SH3RF1: variants seen among roughly 807,000 people sequenced by gnomAD.
The protein encoded by SH3RF1 is E3 ubiquitin-protein ligase SH3RF1.
SH3RF1 carries 32 observed loss-of-function variants against 74.0 expected under a neutral mutation model. The observed-to-expected ratio is 0.43, with a 90% CI of 0.33 to 0.58. The LOEUF (loss-of-function observed/expected upper bound fraction) is 0.58. Among genes scored for constraint, SH3RF1 ranks in the 20% least tolerant of loss-of-function variants. The pLI is 0.05. For synonymous variants in SH3RF1, 396 were observed against 439.6 expected, an observed-to-expected ratio of 0.90 and a Z score of 1.24; for missense variants, 954 against 1,130.9, an observed-to-expected ratio of 0.84 and a Z score of 2.24.
intron 10 of SH3RF1, among the ~76,000 whole-genome samples, chr4:169,110,285 C>G (rs535992220): frequency 3.6e-4 from 52 of 146,412 alleles, no homozygotes; most frequent in Non-Finnish European, 6.3e-4. Context: ...ACCAGGAGTT[C>G]AGGCTGCAGT....
At chr4:169,188,237 T>C (rs1441341239) in intron 2 of SH3RF1, among the ~76,000 whole-genome samples, 2 of 152,228 alleles carry the variant, frequency 1.3e-5, no homozygotes, top group African/African-American at 4.8e-5. Flanking sequence ...TACAGAATCT[T>C]TGACCAAAAG....
intron 2 of SH3RF1, among the ~76,000 whole-genome samples, chr4:169,178,355 TAAAAAAATAAGCATTG>T (rs1734456952): frequency 1.7e-5 from 2 of 117,616 alleles, no homozygotes; most frequent in African/African-American, 5.7e-5. Flanking sequence ...TATGCTTATT[TAAAAAAATAAGCATTG>T]TTATGTTTTG....
intron 8 of SH3RF1, 23 bp downstream of exon 8, chr4:169,120,795 TA>T: frequency 6.2e-7 from 1 of 1,612,568 alleles, no homozygotes; most frequent in Non-Finnish European, 8.5e-7. Context: ...TAGAACATAG[TA>T]AACAATGTAT....
intron 2 of SH3RF1, among the ~76,000 whole-genome samples, chr4:169,181,549 C>CCG (rs146269274): frequency 0.053 from 8,084 of 152,166 alleles, 295 homozygotes; most frequent in South Asian, 0.19. Context: ...GCGTGAGCCA[C>CCG]CGCGCCAGCC....
intron 2 of SH3RF1, among the ~76,000 whole-genome samples, chr4:169,210,267 C>A (rs774692694): frequency 1.3e-5 from 2 of 152,184 alleles, no homozygotes; most frequent in Middle Eastern, 3.2e-3. Context: ...ATTTCCCTTA[C>A]ATATTTGCAT....
At chr4:169,270,425 T>C (rs1465041410) in intron 1 of SH3RF1, among the ~76,000 whole-genome samples, 1 of 151,500 alleles carries the variant, frequency 6.6e-6, no homozygotes, top group Admixed American at 6.5e-5. Context: ...CCGCCTCCCT[T>C]TAGCTCAGGC....
At chr4:169,265,561 C>G (rs1731339163) in intron 2 of SH3RF1, among the ~76,000 whole-genome samples, 1 of 152,136 alleles carries the variant, frequency 6.6e-6, no homozygotes, top group South Asian at 2.1e-4. Flanking sequence ...GTAAACTCTG[C>G]CTCCCAGGTT....
chr4:169,176,469 C>G (rs570953678), intron 2 of SH3RF1, among the ~76,000 whole-genome samples: 1 of 152,188 alleles, frequency 6.6e-6, no homozygotes, highest in East Asian at 1.9e-4. Flanking sequence ...TTTAACCGAA[C>G]AAAACAAATA....
At chr4:169,200,247 T>C (rs1348806856) in intron 2 of SH3RF1, among the ~76,000 whole-genome samples, 1 of 152,182 alleles carries the variant, frequency 6.6e-6, no homozygotes, top group African/African-American at 2.4e-5. Flanking sequence ...AGAGGACATG[T>C]GTAGTAATGC....
chr4:169,141,390 C>T (rs1206583242), intron 4 of SH3RF1, among the ~76,000 whole-genome samples: 1 of 152,164 alleles, frequency 6.6e-6, no homozygotes. Context: ...TTGCCATTTA[C>T]TATGTCTTGG....
intron 2 of SH3RF1, among the ~76,000 whole-genome samples, chr4:169,193,066 T>A (rs999077698): frequency 1.3e-5 from 2 of 151,984 alleles, no homozygotes; most frequent in Non-Finnish European, 2.9e-5. Context: ...TTCTCACTTA[T>A]AAGTGGGAGC....
chr4:169,205,018 G>C (rs1730228171), intron 2 of SH3RF1, among the ~76,000 whole-genome samples: 1 of 152,162 alleles, frequency 6.6e-6, no homozygotes, highest in African/African-American at 2.4e-5. Flanking sequence ...AGGAAAAGGA[G>C]GAATCATACA....
At chr4:169,147,662 T>C (rs977112942) in intron 4 of SH3RF1, among the ~76,000 whole-genome samples, 1 of 152,220 alleles carries the variant, frequency 6.6e-6, no homozygotes. Flanking sequence ...AACTTTATTT[T>C]AAAAAGCAAT....
intron 2 of SH3RF1, among the ~76,000 whole-genome samples, chr4:169,161,579 G>A (rs938962739): frequency 7.9e-5 from 12 of 152,162 alleles, no homozygotes; most frequent in African/African-American, 2.9e-4. Flanking sequence ...CCAATGCCCA[G>A]ATGTACGTGC....
chr4:169,269,015 G>A lies in SH3RF1; in HGVS notation c.198C>T (p.Asn66=). ...VGSGVEELPS[N]ILLVRLLDGI... ...CATCCAGAAGTCTGACCAGCAAGATGTTACTGGGAAGCTCCTCGACACCCG... is the reference window on the plus strand; with the variant it reads ...CATCCAGAAGTCTGACCAGCAAGATATTACTGGGAAGCTCCTCGACACCCG... The change falls in exon 2 of 12, where the codon AAC becomes AAT. Residue 66 remains asparagine (N), a synonymous_variant. Transcript: ENST00000284637. 3 of 1,614,166 alleles carry A rather than the reference G, an allele frequency of 1.9e-6. No homozygotes were observed. Among genetic ancestry groups the A allele is most frequent in the Non-Finnish European group, 2.5e-6 (3 of 1,180,024 alleles).
chr4:169,155,628 G>C, intron 3 of SH3RF1, 53 bp from the exon 4 acceptor site: 1 of 1,317,466 alleles, frequency 7.6e-7, no homozygotes, highest in Non-Finnish European at 1.1e-6. Context: ...GTACCATTAA[G>C]CTTGTCATTT....
intron 5 of SH3RF1, among the ~76,000 whole-genome samples, chr4:169,131,450 GC>G (rs1322278485): frequency 2.0e-5 from 3 of 152,080 alleles, no homozygotes; most frequent in African/African-American, 7.2e-5. Flanking sequence ...ACTATGTTGA[GC>G]AGGCTGGTCT....
intron 10 of SH3RF1, among the ~76,000 whole-genome samples, chr4:169,113,111 C>CTT (rs557151832): frequency 5.3e-5 from 8 of 150,024 alleles, no homozygotes; most frequent in African/African-American, 1.7e-4. Context: ...TCCCAGTTTT[C>CTT]TTTTTTTTTT....
intron 4 of SH3RF1, among the ~76,000 whole-genome samples, chr4:169,144,942 CCTCAGAAT>C (rs1733849183): frequency 6.6e-6 from 1 of 151,846 alleles, no homozygotes. Context: ...AGCAAAAGGC[CCTCAGAAT>C]CTCAGAATCC....
Sources: gnomAD v4.1 joint callset for allele counts (sites outside exome capture counted in the v4.1 genomes callset) on GRCh38, gnomAD v4.1.1 for gene constraint, MANE v1.5 for transcripts, NCBI Gene and HGNC (gene_info 2026-07-23, HGNC 2026-07-21) for gene names.